Variants in POU6F2 observed in about 807,000 individuals in gnomAD.
POU6F2 encodes POU domain, class 6, transcription factor 2.
A neutral mutation model predicts 71.3 loss-of-function variants in POU6F2; 31 were observed. That is an observed-to-expected ratio of 0.43 (90% CI 0.33 to 0.59). The LOEUF is 0.59. POU6F2 is among the 20% of genes least tolerant of loss of function. POU6F2 has a pLI of 0.04. For synonymous variants in POU6F2, 347 were observed against 355.7 expected, an observed-to-expected ratio of 0.98 and a Z score of 0.27; for missense variants, 783 against 856.8, an observed-to-expected ratio of 0.91 and a Z score of 1.07.
At chr7:39,087,155 AATTAATTTATTTATTTATTT>A (rs1188988237) in intron 2 of POU6F2, among the ~76,000 whole-genome samples, 14 of 52,288 alleles carry the variant, frequency 2.7e-4, no homozygotes, top group African/African-American at 1.2e-3. Context: ...TTAATTAATT[AATTAATTTATTTATTTATTT>A]ATTTATTTAT....
chr7:39,348,067 G>A (rs1786065069), intron 5 of POU6F2, among the ~76,000 whole-genome samples: 1 of 144,342 alleles, frequency 6.9e-6, no homozygotes, highest in Non-Finnish European at 1.6e-5. Flanking sequence ...CAGATATTAG[G>A]CTGGGAGAAG....
intron 2 of POU6F2, among the ~76,000 whole-genome samples, chr7:39,161,183 C>T: frequency 6.6e-6 from 1 of 152,152 alleles, no homozygotes; most frequent in East Asian, 1.9e-4. Context: ...AATCTCTTGC[C>T]TTCTCTCTTT....
intron 5 of POU6F2, among the ~76,000 whole-genome samples, chr7:39,369,730 C>T (rs1293221218): frequency 6.6e-6 from 1 of 152,050 alleles, no homozygotes; most frequent in Non-Finnish European, 1.5e-5. Flanking sequence ...GTCATCCAGG[C>T]TGGGATGCAG....
intron 1 of POU6F2, among the ~76,000 whole-genome samples, chr7:39,005,483 C>CGTGTGTGTGTGTGTGTGTGTGT (rs1562664637): frequency 1.6e-4 from 2 of 12,402 alleles, no homozygotes; most frequent in Middle Eastern, 0.045. Context: ...AAGGGAGAAA[C>CGTGTGTGTGTGTGTGTGTGTGT]CTGTGTGTGT....
intron 2 of POU6F2, among the ~76,000 whole-genome samples, chr7:39,126,617 A>G (rs1248390474): frequency 1.3e-5 from 2 of 152,226 alleles, no homozygotes; most frequent in Non-Finnish European, 2.9e-5. Flanking sequence ...AGACTGGCCT[A>G]AGATTTTCCT....
intron 5 of POU6F2, among the ~76,000 whole-genome samples, chr7:39,349,319 T>C (rs572082948): frequency 6.6e-6 from 1 of 152,296 alleles, no homozygotes; most frequent in South Asian, 2.1e-4. Context: ...CCCTTCTTCC[T>C]TCCTTTTCTT....
In POU6F2 at chr7:39,467,209, ATTAT is replaced by A. The variant is rs1207823059; in HGVS notation, c.*2528_*2531del. On this transcript the variant is annotated 3_prime_UTR_variant, in exon 10 of 10. Transcript: ENST00000518318. ...TTTATAATTTTGTATTGTTTTATAA[ATTAT>A]TTATAAGGTGTTGTAATGCTTCTTA... 4.6e-5 allele frequency: 7 copies of A among 152,322 alleles called. No individual in the cohort carries two copies. The East Asian group carries it at 5.8e-4, about 13-fold the overall frequency. 9.4% of individuals were successfully genotyped at this position (152,322 alleles called of 1,614,324 possible). A position where few individuals can be genotyped will look rare whatever the true frequency, so the allele number is the denominator to read the frequency against.
chr7:39,424,090 T>G lies in POU6F2; in HGVS notation c.1114-8987T>G, dbSNP rs190919018. 3.5e-3 allele frequency among the ~76,000 whole-genome samples: 534 copies of G among 152,334 alleles called. 6 individuals are homozygous for G. The highest frequency in any genetic ancestry group is 0.011 in the South Asian group (52 of 4,826). On this transcript the variant is annotated intron_variant, in intron 6 of 9. Coordinates refer to ENST00000518318, the MANE Select transcript of POU6F2 (RefSeq NM_001370959.1). ...TCCTGGTCACAGACAGCTATCTTCT[T>G]GCTGTGTCCTTACATAGTGGTAGGG... is the stretch of plus-strand genomic sequence containing the variant.
Position 39,002,566 on chromosome 7 carries a change from C to T in POU6F2, c.105+24508C>T, listed in dbSNP as rs553677415. Among the ~76,000 whole-genome samples, 5 of 152,282 alleles carry T rather than the reference C, an allele frequency of 3.3e-5. 1 individual carries two copies. In the East Asian group the frequency reaches 5.8e-4, roughly 18 times the overall value. On this transcript the variant is annotated intron_variant, in intron 1 of 9. Transcript: ENST00000518318. ...TTCACCTTGTTGGCCAGGCTGGTCT[C>T]GAATCTGTGGCTTCATGTGATCCAC...
intron 4 of POU6F2, among the ~76,000 whole-genome samples, chr7:39,217,378 T>C (rs1014514495): frequency 6.6e-6 from 1 of 152,206 alleles, no homozygotes; most frequent in Non-Finnish European, 1.5e-5. Context: ...TCTGGTACCA[T>C]TCTTGAGGAA....
At chr7:39,170,200 GTTGT>G in intron 2 of POU6F2, among the ~76,000 whole-genome samples, 1 of 152,150 alleles carries the variant, frequency 6.6e-6, no homozygotes, top group African/African-American at 2.4e-5. Context: ...AATTGTATTC[GTTGT>G]TTTTGTTTAG....
At chr7:39,414,644 G>A (rs1038705697) in intron 6 of POU6F2, among the ~76,000 whole-genome samples, 1 of 152,222 alleles carries the variant, frequency 6.6e-6, no homozygotes, top group Non-Finnish European at 1.5e-5. Flanking sequence ...GAAGCGCCGG[G>A]CTGTGCGTCC....
chr7:39,146,478 T>G (rs1792629028), intron 2 of POU6F2, among the ~76,000 whole-genome samples: 1 of 152,130 alleles, frequency 6.6e-6, no homozygotes, highest in East Asian at 1.9e-4. Flanking sequence ...GGTTTTACAA[T>G]GAAAACAGGA....
intron 2 of POU6F2, among the ~76,000 whole-genome samples, chr7:39,108,167 TA>T (rs2128725000): frequency 6.6e-6 from 1 of 152,294 alleles, no homozygotes; most frequent in East Asian, 1.9e-4. Flanking sequence ...CTCATCTGGT[TA>T]TGCTGATAAT....
intron 2 of POU6F2, among the ~76,000 whole-genome samples, chr7:39,131,902 A>G (rs1183693727): frequency 6.6e-6 from 1 of 151,554 alleles, no homozygotes; most frequent in African/African-American, 2.4e-5. Flanking sequence ...GTGTATCTTT[A>G]TGGGGTGCAT....
chr7:39,234,709 C>T (rs1794640498), intron 4 of POU6F2, among the ~76,000 whole-genome samples: 2 of 152,190 alleles, frequency 1.3e-5, no homozygotes, highest in South Asian at 2.1e-4. Flanking sequence ...TTCATAGGAG[C>T]GAACTACTAT....
chr7:39,450,049 T>C (rs575456457), intron 7 of POU6F2, among the ~76,000 whole-genome samples: 1 of 152,338 alleles, frequency 6.6e-6, no homozygotes, highest in East Asian at 1.9e-4. Context: ...TGTGTACACA[T>C]TTGACAAAAC....
intron 4 of POU6F2, among the ~76,000 whole-genome samples, chr7:39,297,898 T>A (rs1269925721): frequency 6.6e-6 from 1 of 152,078 alleles, no homozygotes; most frequent in East Asian, 1.9e-4. Flanking sequence ...AAACAAGCAA[T>A]GGAGAAAGGA....
At chr7:39,260,159 C>T (rs1784104769) in intron 4 of POU6F2, among the ~76,000 whole-genome samples, 1 of 144,728 alleles carries the variant, frequency 6.9e-6, no homozygotes, top group Admixed American at 6.8e-5. Flanking sequence ...CTCATACACA[C>T]ACCGCACACA....
Sources: allele counts gnomAD v4.1 joint callset (sites outside exome capture counted in the v4.1 genomes callset), GRCh38; gene constraint gnomAD v4.1.1; transcripts MANE v1.5; gene names NCBI Gene and HGNC (gene_info 2026-07-23, HGNC 2026-07-21).